ACBD6: variants seen among roughly 807,000 people sequenced by gnomAD.
ACBD6 encodes the protein acyl-CoA-binding domain-containing protein 6.
A neutral mutation model predicts 37.2 loss-of-function variants in ACBD6; 28 were observed. The ratio of observed to expected loss-of-function variants is 0.75; its 90% CI spans 0.56 to 1.03. The LOEUF (loss-of-function observed/expected upper bound fraction) is 1.03. ACBD6 is among the 50% of genes least tolerant of loss of function. ACBD6 has a pLI of 0.00. For synonymous variants in ACBD6, 113 were observed against 126.8 expected, an observed-to-expected ratio of 0.89 and a Z score of 0.73; for missense variants, 340 against 337.4, an observed-to-expected ratio of 1.01 and a Z score of -0.06.
intron 8 of ACBD6, among the ~76,000 whole-genome samples, chr1:180,282,972 G>GTTTTTTT (rs34828086): frequency 1.5e-4 from 17 of 109,986 alleles, no homozygotes; most frequent in East Asian, 2.9e-4. Context: ...ATGTCTTTCT[G>GTTTTTTT]TTTTTTTTTT....
At chr1:180,389,210 T>A (rs1653970700) in intron 6 of ACBD6, among the ~76,000 whole-genome samples, 1 of 152,206 alleles carries the variant, frequency 6.6e-6, no homozygotes, top group Non-Finnish European at 1.5e-5. Flanking sequence ...GTCCATGCGT[T>A]CTCATTGTTC....
rs1232504824 is a variant in ACBD6 at position 180,467,451 on chromosome 1, A to C, written c.384+24818T>G. Among the ~76,000 whole-genome samples the C allele has an allele frequency of 5.2e-3, 134 of 25,650 alleles. 3 individuals are homozygous for C. Among genetic ancestry groups the C allele is most frequent in the East Asian group, 0.021 (4 of 190 alleles). 16.8% of individuals were successfully genotyped at this position (25,650 alleles called of 152,430 possible). A position where few individuals can be genotyped will look rare whatever the true frequency, so the allele number is the denominator to read the frequency against. On this transcript the variant is annotated intron_variant, in intron 3 of 7. Transcript: ENST00000367595. ...ATATAGTTAGACTCCATCTCTGCAA[A>C]AAAAAAAAAAAAAAAAAAAAACAAA...
chr1:180,308,282 C>T (rs1350482429), intron 7 of ACBD6, among the ~76,000 whole-genome samples: 1 of 152,018 alleles, frequency 6.6e-6, no homozygotes, highest in Non-Finnish European at 1.5e-5. Flanking sequence ...TACTGAAGTT[C>T]CTCAAAGTCT....
At chr1:180,353,423 A>C (rs1191181388) in intron 6 of ACBD6, among the ~76,000 whole-genome samples, 1 of 152,180 alleles carries the variant, frequency 6.6e-6, no homozygotes, top group African/African-American at 2.4e-5. Context: ...TTTGGGCAGC[A>C]TTTCATAGAA....
At chr1:180,389,468 G>A (rs1478147523) in intron 6 of ACBD6, among the ~76,000 whole-genome samples, 2 of 152,152 alleles carry the variant, frequency 1.3e-5, no homozygotes, top group Admixed American at 6.5e-5. Context: ...ACATACGTGT[G>A]CATGTGTCTT....
intron 6 of ACBD6, among the ~76,000 whole-genome samples, chr1:180,392,842 C>T (rs147761254): frequency 2.6e-4 from 39 of 152,086 alleles, no homozygotes; most frequent in African/African-American, 4.8e-4. Flanking sequence ...GTCTATAAAC[C>T]GTAAGCTTAT....
chr1:180,274,637 CAA>C lies in ACBD6; in HGVS notation c.*936+12_*936+13del, dbSNP rs752434127. On this transcript the variant is annotated intron_variant, in intron 10 of 13. Transcript: ENST00000642319. ...GGCTTGAGAGAATATCTTCAAGGAT[CAA>C]AAGAGACTTGCCTTTTAAGGATCGA... 36 of 1,487,260 alleles carry C rather than the reference CAA, an allele frequency of 2.4e-5. No individual in the cohort carries two copies. In the East Asian group the frequency reaches 4.3e-4, roughly 18 times the overall value. The allele number at this position is 1,487,260 out of a possible 1,614,324, so 92.1% of individuals were successfully genotyped here. A position where few individuals can be genotyped will look rare whatever the true frequency, so the allele number is the denominator to read the frequency against.
intron 4 of ACBD6, among the ~76,000 whole-genome samples, chr1:180,419,078 C>T (rs975119969): frequency 3.3e-5 from 5 of 152,132 alleles, no homozygotes; most frequent in African/African-American, 1.2e-4. Flanking sequence ...GGTGAAACCC[C>T]GTCTCTACTA....
intron 6 of ACBD6, among the ~76,000 whole-genome samples, chr1:180,374,900 TAAG>T (rs754006008): frequency 1.3e-4 from 20 of 152,086 alleles, no homozygotes; most frequent in Non-Finnish European, 4.4e-5. Context: ...AAGAATTTAA[TAAG>T]AAATGTGTAA....
chr1:180,355,433 C>T (rs1225244169), intron 6 of ACBD6, among the ~76,000 whole-genome samples: 1 of 152,138 alleles, frequency 6.6e-6, no homozygotes, highest in Non-Finnish European at 1.5e-5. Context: ...AGTGCATGTC[C>T]TGTACTGACT....
chr1:180,499,466 T>C (rs575620605), intron 1 of ACBD6, among the ~76,000 whole-genome samples: 3 of 152,318 alleles, frequency 2.0e-5, no homozygotes, highest in South Asian at 2.1e-4. Context: ...TCATATTATC[T>C]GGATGAAGTG....
At chr1:180,473,433 C>T (rs1256626584) in intron 3 of ACBD6, among the ~76,000 whole-genome samples, 3 of 127,418 alleles carry the variant, frequency 2.4e-5, no homozygotes, top group South Asian at 2.4e-4. Context: ...GGCGACAGAG[C>T]GAGACTCCGT....
intron 6 of ACBD6, among the ~76,000 whole-genome samples, chr1:180,344,564 T>A (rs1652101531): frequency 6.6e-6 from 1 of 152,250 alleles, no homozygotes; most frequent in Non-Finnish European, 1.5e-5. Flanking sequence ...CTTCCAGTGC[T>A]ACAGAGTTGA....
intron 7 of ACBD6, among the ~76,000 whole-genome samples, chr1:180,313,831 T>C (rs1310853817): frequency 1.3e-5 from 2 of 152,148 alleles, no homozygotes; most frequent in Non-Finnish European, 2.9e-5. Context: ...CGCCCAACTC[T>C]ACACAGACTC....
intron 6 of ACBD6, among the ~76,000 whole-genome samples, chr1:180,369,927 C>G (rs1237384807): frequency 6.6e-6 from 1 of 152,168 alleles, no homozygotes; most frequent in East Asian, 1.9e-4. Flanking sequence ...AGTCACGAAG[C>G]ATTCAAATAA....
rs933463401 is a variant in ACBD6 at position 180,484,286 on chromosome 1, G to T, written c.384+7983C>A. Among the ~76,000 whole-genome samples, 4 of 152,052 alleles carry T rather than the reference G, an allele frequency of 2.6e-5. No homozygotes were observed. In the South Asian group the frequency reaches 6.2e-4, roughly 24 times the overall value. On this transcript the variant is annotated intron_variant, in intron 3 of 7. Transcript: ENST00000367595. ...TTTTTACAAAACTGCCTTATTATTT[G>T]TCAAAACTCATTGAATTACACACTT...
intron 3 of ACBD6, among the ~76,000 whole-genome samples, chr1:180,479,076 T>A (rs1200019573): frequency 6.6e-6 from 1 of 152,190 alleles, no homozygotes; most frequent in African/African-American, 2.4e-5. Flanking sequence ...GAGGCTGCAA[T>A]GAGCTAGGAT....
chr1:180,431,960 CT>C (rs1455380676), intron 3 of ACBD6, among the ~76,000 whole-genome samples: 2 of 152,114 alleles, frequency 1.3e-5, no homozygotes, highest in Non-Finnish European at 2.9e-5. Context: ...AATCCCTGCA[CT>C]TTGGGAGGCT....
chr1:180,340,051 A>G (rs1330679495), intron 6 of ACBD6, among the ~76,000 whole-genome samples: 1 of 152,144 alleles, frequency 6.6e-6, no homozygotes, highest in Non-Finnish European at 1.5e-5. Context: ...TGAAATGGTT[A>G]TGTACCCAGC....
Sources: gnomAD v4.1 joint callset for allele counts (sites outside exome capture counted in the v4.1 genomes callset) on GRCh38, gnomAD v4.1.1 for gene constraint, MANE v1.5 for transcripts, NCBI Gene and HGNC (gene_info 2026-07-23, HGNC 2026-07-21) for gene names.